The following SYT13 variants were observed in gnomAD, a reference collection of about 807,000 sequenced individuals.
SYT13 encodes synaptotagmin-13.
In SYT13, 21 loss-of-function variants were observed where a neutral mutation model predicts 38.6. That is an observed-to-expected ratio of 0.54 (90% CI 0.39 to 0.78). SYT13 has a LOEUF of 0.78. Ranked by LOEUF, SYT13 falls within the 30% of genes least tolerant of loss-of-function variation. The pLI, the probability that SYT13 is intolerant of heterozygous loss-of-function variation, is 0.00. For synonymous variants in SYT13, 241 were observed against 237.6 expected (o/e 1.01, Z -0.13); for missense variants, 495 against 548.7 (o/e 0.90, Z 0.98).
chr11:45,244,187 G>A lies in SYT13; in HGVS notation c.1146C>T (p.Asp382=), dbSNP rs761376098. 11 of 1,613,910 alleles carry A rather than the reference G, an allele frequency of 6.8e-6. No homozygotes were observed. The highest frequency in any genetic ancestry group is 3.3e-5 in the Admixed American group (2 of 60,004). ...CAAGCGCACAGCTCTGCCCTGAATC[G>A]TCCTGGCCCAGCACTTCCAGCTCCA... ...SSVELEVLGQ[D]DSGQSCALGH... The change falls in exon 6 of 6, where the codon GAC becomes GAT. Residue 382 remains aspartate, a synonymous_variant. Transcript: ENST00000020926.
intron 1 of SYT13, among the ~76,000 whole-genome samples, chr11:45,275,995 C>T (rs10501311): frequency 0.015 from 2,308 of 152,292 alleles, 47 homozygotes; most frequent in African/African-American, 0.047. Context: ...AATGTTTTTA[C>T]GGGTTGCCCA....
chr11:45,271,266 G>A (rs2135905426), intron 1 of SYT13, among the ~76,000 whole-genome samples: 1 of 152,302 alleles, frequency 6.6e-6, no homozygotes, highest in Non-Finnish European at 1.5e-5. Context: ...CTTATGAAAA[G>A]ATAGATAAAA....
intron 1 of SYT13, among the ~76,000 whole-genome samples, chr11:45,259,549 C>G (rs1395138849): frequency 6.6e-6 from 1 of 152,112 alleles, no homozygotes. Flanking sequence ...TAAAATGCAC[C>G]CCTAGAGCAA....
intron 1 of SYT13, among the ~76,000 whole-genome samples, chr11:45,274,197 T>TA (rs1474858237): frequency 6.6e-6 from 1 of 152,214 alleles, no homozygotes; most frequent in African/African-American, 2.4e-5. Context: ...CAAAGATTGT[T>TA]ACCTAAAATT....
intron 1 of SYT13, among the ~76,000 whole-genome samples, chr11:45,265,447 CT>C (rs1451021153): frequency 6.6e-6 from 1 of 152,226 alleles, no homozygotes; most frequent in East Asian, 1.9e-4. Flanking sequence ...ACATCAACCC[CT>C]ATCTCAGTTT....
At chr11:45,277,927 C>A (rs1855028751) in intron 1 of SYT13, among the ~76,000 whole-genome samples, 1 of 152,172 alleles carries the variant, frequency 6.6e-6, no homozygotes, top group Admixed American at 6.5e-5. Context: ...TTTGTGAGAG[C>A]TGAAGATGGG....
intron 1 of SYT13, among the ~76,000 whole-genome samples, chr11:45,266,251 C>A (rs1177456464): frequency 2.6e-5 from 4 of 152,118 alleles, no homozygotes; most frequent in Non-Finnish European, 2.9e-5. Context: ...ATTTCTCAAA[C>A]TTTCTTTCCA....
chr11:45,275,235 G>T (rs1854996630), intron 1 of SYT13, among the ~76,000 whole-genome samples: 1 of 152,134 alleles, frequency 6.6e-6, no homozygotes, highest in Non-Finnish European at 1.5e-5. Flanking sequence ...TCAACTTTCT[G>T]TGACAGAAAA....
intron 1 of SYT13, among the ~76,000 whole-genome samples, chr11:45,279,303 C>T (rs1222948100): frequency 6.6e-6 from 1 of 152,180 alleles, no homozygotes; most frequent in Non-Finnish European, 1.5e-5. Flanking sequence ...TGGTTATGGC[C>T]ATGTGCAGTG....
At chr11:45,255,086 A>G (rs1854727887) in intron 2 of SYT13, among the ~76,000 whole-genome samples, 2 of 152,146 alleles carry the variant, frequency 1.3e-5, no homozygotes, top group South Asian at 2.1e-4. Flanking sequence ...ACTGAACTCC[A>G]GCCTGGGAGA....
Sources: gnomAD v4.1 joint callset for allele counts (sites outside exome capture counted in the v4.1 genomes callset) on GRCh38, gnomAD v4.1.1 for gene constraint, MANE v1.5 for transcripts, NCBI Gene and HGNC (gene_info 2026-07-23, HGNC 2026-07-21) for gene names.